Variants in ERBB4 observed in about 807,000 individuals in gnomAD.
ERBB4 encodes the protein erb-b2 receptor tyrosine kinase 4.
In ERBB4, 42 loss-of-function variants were observed where a neutral mutation model predicts 158.0. That is an observed-to-expected ratio of 0.27 (90% CI 0.21 to 0.34). The LOEUF (loss-of-function observed/expected upper bound fraction) is 0.34, where lower values mean the gene tolerates loss of function less well. Among genes scored for constraint, ERBB4 ranks in the 10% least tolerant of loss-of-function variants. The pLI, the probability that ERBB4 is intolerant of heterozygous loss-of-function variation, is 1.00. For synonymous variants in ERBB4, 583 were observed against 558.7 expected, an observed-to-expected ratio of 1.04 and a Z score of -0.61; for missense variants, 1,333 against 1,624.1, an observed-to-expected ratio of 0.82 and a Z score of 3.08.
intron 20 of ERBB4, among the ~76,000 whole-genome samples, chr2:211,497,942 C>T (rs1306338650): frequency 2.0e-5 from 3 of 151,974 alleles, no homozygotes; most frequent in Non-Finnish European, 2.9e-5. Flanking sequence ...AGTTGTTCAG[C>T]GGCAAGATGA....
intron 1 of ERBB4, among the ~76,000 whole-genome samples, chr2:212,438,146 A>C (rs2092178019): frequency 6.6e-6 from 1 of 152,028 alleles, no homozygotes; most frequent in Non-Finnish European, 1.5e-5. Context: ...TACCAGGTAA[A>C]TTTAATACAT....
At chr2:212,289,892 G>C (rs992585467) in intron 1 of ERBB4, among the ~76,000 whole-genome samples, 1 of 152,098 alleles carries the variant, frequency 6.6e-6, no homozygotes, top group Non-Finnish European at 1.5e-5. Flanking sequence ...CTATAGTACA[G>C]CTTTTATAGA....
chr2:212,527,332 G>A (rs942024806), intron 1 of ERBB4, among the ~76,000 whole-genome samples: 3 of 151,914 alleles, frequency 2.0e-5, no homozygotes, highest in African/African-American at 7.3e-5. Flanking sequence ...CGTAATATTA[G>A]GTTGGTGTAA....
chr2:211,729,401 C>T (rs1055465779), intron 5 of ERBB4, among the ~76,000 whole-genome samples: 1 of 151,336 alleles, frequency 6.6e-6, no homozygotes, highest in African/African-American at 2.4e-5. Context: ...TCCCTTAATT[C>T]CAAACGAAAA....
At chr2:212,003,215 AGGAAGGAAG>A (rs2076175257) in intron 2 of ERBB4, among the ~76,000 whole-genome samples, 2 of 47,278 alleles carry the variant, frequency 4.2e-5, no homozygotes, top group African/African-American at 1.1e-4. Context: ...GACAGAAAGA[AGGAAGGAAG>A]GAAGGAAGGA....
rs560133355 is a variant in ERBB4, at chr2:212,514,766, C to T, written c.82+23683G>A. On this transcript the variant is annotated intron_variant, in intron 1 of 27. Coordinates refer to ENST00000342788, the MANE Select transcript of ERBB4 (RefSeq NM_005235.3). ...GTTGCAGTGAGCAGAGATCGCACCA[C>T]TGTACTCCAGCCTGGTGACAGACCA... is the stretch of plus-strand genomic sequence containing the variant. Among the ~76,000 whole-genome samples the T allele has an allele frequency of 2.8e-4, 43 of 152,320 alleles. No individual in the cohort carries two copies. The South Asian group carries it at 8.7e-3, about 31-fold the overall frequency.
intron 2 of ERBB4, among the ~76,000 whole-genome samples, chr2:212,098,111 C>A (rs1559492961): frequency 1.3e-5 from 2 of 152,136 alleles, no homozygotes; most frequent in Non-Finnish European, 1.5e-5. Context: ...AGTGCTGATA[C>A]TGATACCATG....
At chr2:212,175,580 C>A (rs1483167146) in intron 1 of ERBB4, among the ~76,000 whole-genome samples, 1 of 150,656 alleles carries the variant, frequency 6.6e-6, no homozygotes, top group Non-Finnish European at 1.5e-5. Flanking sequence ...ACCTCAACTA[C>A]CTGGAACAAA....
intron 1 of ERBB4, among the ~76,000 whole-genome samples, chr2:212,225,480 T>C (rs2083441400): frequency 6.6e-6 from 1 of 150,532 alleles, no homozygotes; most frequent in Non-Finnish European, 1.5e-5. Context: ...CCTCATTTTC[T>C]GTCAAAAATA....
chr2:211,632,671 G>T (rs888243743), intron 16 of ERBB4, among the ~76,000 whole-genome samples: 1 of 152,004 alleles, frequency 6.6e-6, no homozygotes, highest in Admixed American at 6.6e-5. Flanking sequence ...TCCAGGAGAA[G>T]AAACTAATAC....
chr2:212,279,050 ATCTC>A (rs1454995875), intron 1 of ERBB4, among the ~76,000 whole-genome samples: 3 of 151,548 alleles, frequency 2.0e-5, no homozygotes, highest in Non-Finnish European at 4.4e-5. Context: ...GAATAATTAA[ATCTC>A]TCTCTTTTAC....
chr2:211,900,785 G>C (rs1272454402), intron 3 of ERBB4, among the ~76,000 whole-genome samples: 2 of 152,048 alleles, frequency 1.3e-5, no homozygotes, highest in Non-Finnish European at 2.9e-5. Flanking sequence ...TTATTTACTA[G>C]ATACTGGCAA....
chr2:212,265,859 C>T (rs191216066), intron 1 of ERBB4, among the ~76,000 whole-genome samples: 30 of 152,108 alleles, frequency 2.0e-4, no homozygotes, highest in Admixed American at 1.7e-3. Flanking sequence ...AGCAGAGAGT[C>T]ACATGGGGTC....
At position 211,630,594 on chromosome 2, in the gene ERBB4, T is replaced by C. The variant is rs752589928; in HGVS notation, c.1947A>G (p.Arg649=). The C allele has an allele frequency of 1.2e-6, 2 of 1,611,120 alleles. No individual in the cohort carries two copies. The highest frequency in any genetic ancestry group is 1.7e-6 in the Non-Finnish European group (2 of 1,179,294). The part of the protein sequence containing the change: ...TGHSTLPQHA[R]TPLIAAGVIG... ...TTACTCCAGCTGCAATCAGGGGAGT[T>C]CTGACAACCAGAATGAGAAAAAAAA... The change falls in exon 17 of 28, where the codon AGA becomes AGG. Residue 649 remains arginine, a splice_region_variant and synonymous_variant. Transcript: ENST00000342788.
At chr2:212,290,221 T>C (rs1235859933) in intron 1 of ERBB4, among the ~76,000 whole-genome samples, 1 of 152,152 alleles carries the variant, frequency 6.6e-6, no homozygotes. Context: ...ACAATGTTCT[T>C]TTTGACATCT....
chr2:212,332,062 C>CG (rs1443179006), intron 1 of ERBB4, among the ~76,000 whole-genome samples: 1 of 151,798 alleles, frequency 6.6e-6, no homozygotes, highest in Non-Finnish European at 1.5e-5. Context: ...AGTAGTGATA[C>CG]GGTTTGGCTG....
intron 12 of ERBB4, among the ~76,000 whole-genome samples, chr2:211,692,787 A>G (rs1267927397): frequency 2.0e-5 from 3 of 152,140 alleles, no homozygotes; most frequent in Non-Finnish European, 4.4e-5. Flanking sequence ...CGTCCTTTTT[A>G]CCATATAACA....
At chr2:212,102,087 A>AC (rs2079099469) in intron 2 of ERBB4, among the ~76,000 whole-genome samples, 1 of 35,512 alleles carries the variant, frequency 2.8e-5, no homozygotes, top group Non-Finnish European at 6.7e-5. Context: ...TTGAAAATTT[A>AC]TTTTATATAT....
At chr2:212,187,948 G>A (rs535701871) in intron 1 of ERBB4, among the ~76,000 whole-genome samples, 6 of 152,016 alleles carry the variant, frequency 3.9e-5, no homozygotes, top group African/African-American at 1.4e-4. Flanking sequence ...AGCTAACCTC[G>A]AGAAACAAGA....
Sources: gnomAD v4.1 joint callset for allele counts (sites outside exome capture counted in the v4.1 genomes callset) on GRCh38, gnomAD v4.1.1 for gene constraint, MANE v1.5 for transcripts, NCBI Gene and HGNC (gene_info 2026-07-23, HGNC 2026-07-21) for gene names.